NRG3: variants seen among roughly 807,000 people sequenced by gnomAD.
NRG3 encodes the protein pro-neuregulin-3, membrane-bound isoform.
NRG3 carries 31 observed loss-of-function variants against 66.9 expected under a neutral mutation model. That is an observed-to-expected ratio of 0.46 (90% confidence interval 0.35 to 0.63). The LOEUF (loss-of-function observed/expected upper bound fraction) is 0.63, where lower values mean the gene tolerates loss of function less well. NRG3 is among the 20% of genes least tolerant of loss of function. The pLI is 0.00. For missense variants in NRG3, 910 were observed against 878.9 expected, an observed-to-expected ratio of 1.04 and a Z score of -0.45; for synonymous variants, 393 against 359.4, an observed-to-expected ratio of 1.09 and a Z score of -1.06.
chr10:82,170,460 T>C (rs1188382480), intron 1 of NRG3, among the ~76,000 whole-genome samples: 2 of 151,702 alleles, frequency 1.3e-5, no homozygotes, highest in African/African-American at 4.8e-5. Context: ...ATATGCGTCT[T>C]GTCCAAACCT....
At chr10:82,353,603 A>T (rs1564830067) in intron 1 of NRG3, among the ~76,000 whole-genome samples, 1 of 152,238 alleles carries the variant, frequency 6.6e-6, no homozygotes, top group Admixed American at 6.5e-5. Context: ...AAAAAAAATA[A>T]GAAAACACAT....
intron 4 of NRG3, among the ~76,000 whole-genome samples, chr10:82,942,492 A>T (rs1156463330): frequency 3.3e-5 from 5 of 152,252 alleles, no homozygotes; most frequent in Non-Finnish European, 7.3e-5. Flanking sequence ...TGTTCCAAGG[A>T]TTCTGTGTCT....
chr10:82,136,639 G>A (rs1221918646), intron 1 of NRG3, among the ~76,000 whole-genome samples: 1 of 152,058 alleles, frequency 6.6e-6, no homozygotes, highest in Non-Finnish European at 1.5e-5. Context: ...CCAGAAGCCA[G>A]TACTGTATGC....
intron 2 of NRG3, among the ~76,000 whole-genome samples, chr10:82,633,487 A>G (rs1456764950): frequency 6.6e-6 from 1 of 152,164 alleles, no homozygotes; most frequent in African/African-American, 2.4e-5. Context: ...GAGGGTGAAA[A>G]AGCGGACAAG....
At chr10:82,619,788 T>G (rs2048917801) in intron 2 of NRG3, among the ~76,000 whole-genome samples, 1 of 152,066 alleles carries the variant, frequency 6.6e-6, no homozygotes, top group South Asian at 2.1e-4. Context: ...AAGGATCGTG[T>G]GAAGACACAG....
At chr10:82,819,159 A>T (rs1050296728) in intron 3 of NRG3, among the ~76,000 whole-genome samples, 1 of 152,242 alleles carries the variant, frequency 6.6e-6, no homozygotes, top group Non-Finnish European at 1.5e-5. Flanking sequence ...TAAAATAATC[A>T]TTAACGAAGA....
At chr10:81,904,724 A>G (rs1844420578) in intron 1 of NRG3, among the ~76,000 whole-genome samples, 1 of 152,138 alleles carries the variant, frequency 6.6e-6, no homozygotes, top group Non-Finnish European at 1.5e-5. Context: ...TGTTCCCTGC[A>G]GCATTCTGGT....
At chr10:82,941,700 C>T (rs2132269809) in intron 4 of NRG3, among the ~76,000 whole-genome samples, 1 of 152,200 alleles carries the variant, frequency 6.6e-6, no homozygotes, top group Admixed American at 6.5e-5. Context: ...TAGAATTAGG[C>T]AGGGAGAAAT....
intron 4 of NRG3, among the ~76,000 whole-genome samples, chr10:82,891,404 T>G (rs1452136629): frequency 6.6e-6 from 1 of 152,008 alleles, no homozygotes; most frequent in African/African-American, 2.4e-5. Context: ...TAATCTATGC[T>G]TGTGATACAG....
chr10:82,896,343 G>T (rs549407980), intron 4 of NRG3, among the ~76,000 whole-genome samples: 1 of 152,338 alleles, frequency 6.6e-6, no homozygotes, highest in African/African-American at 2.4e-5. Flanking sequence ...GGTGGAACCA[G>T]GCTCCAAGCC....
chr10:81,943,228 A>G (rs192663590), intron 1 of NRG3, among the ~76,000 whole-genome samples: 5 of 152,210 alleles, frequency 3.3e-5, no homozygotes, highest in Admixed American at 3.3e-4. Context: ...CAAACATGAA[A>G]AAAATAGCCA....
chr10:82,903,890 A>G (rs967140668), intron 4 of NRG3, among the ~76,000 whole-genome samples: 1 of 152,072 alleles, frequency 6.6e-6, no homozygotes, highest in East Asian at 1.9e-4. Context: ...CATTACATAT[A>G]TATATATATG....
At chr10:81,981,885 T>C (rs193203000) in intron 1 of NRG3, among the ~76,000 whole-genome samples, 133 of 152,328 alleles carry the variant, frequency 8.7e-4, no homozygotes, top group Middle Eastern at 3.4e-3. Context: ...TCTGCTGATA[T>C]AAGCCCATAT....
intron 3 of NRG3, among the ~76,000 whole-genome samples, chr10:82,741,234 A>T (rs1440268977): frequency 6.6e-6 from 1 of 152,166 alleles, no homozygotes; most frequent in East Asian, 1.9e-4. Flanking sequence ...GAGCCACCTA[A>T]TTGGTCAGGC....
At chr10:81,925,940 G>T (rs1012008913) in intron 1 of NRG3, among the ~76,000 whole-genome samples, 6 of 151,988 alleles carry the variant, frequency 3.9e-5, no homozygotes, top group Admixed American at 2.0e-4. Context: ...AGGTGAAGAG[G>T]CCTAAATTAC....
At chr10:82,774,575 C>T (rs766752344) in intron 3 of NRG3, among the ~76,000 whole-genome samples, 9 of 151,844 alleles carry the variant, frequency 5.9e-5, no homozygotes, top group East Asian at 1.9e-4. Flanking sequence ...TCACAATAGC[C>T]GATTATGATC....
chr10:82,344,272 T>C (rs774019353), intron 1 of NRG3, among the ~76,000 whole-genome samples: 1 of 151,130 alleles, frequency 6.6e-6, no homozygotes, highest in Non-Finnish European at 1.5e-5. Context: ...GTCCACGTGA[T>C]CTCATTGTTC....
Position 82,522,039 on chromosome 10 carries a change from CTTTTTTTTTTT to C in NRG3, c.953+163183_953+163193del, listed in dbSNP as rs71009811. On this transcript the variant is annotated intron_variant, in intron 2 of 8. Transcript: ENST00000372141. Reference sequence around the variant, plus strand: ...TCTGCAGTTACTTTTCCGCTGAAGTCTTTTTTTTTTTTTTTTTTTTTTGAGACAGAGTCTCT... The same window carrying C: ...TCTGCAGTTACTTTTCCGCTGAAGTCTTTTTTTTTTTGAGACAGAGTCTCT... Among the ~76,000 whole-genome samples the C allele has an allele frequency of 2.3e-4, 22 of 97,748 alleles. No individual in the cohort carries two copies. In the South Asian group the frequency reaches 8.8e-3, roughly 39 times the overall value. 64.1% of individuals were successfully genotyped at this position (97,748 alleles called of 152,430 possible). A position where few individuals can be genotyped will look rare whatever the true frequency, so the allele number is the denominator to read the frequency against.
intron 3 of NRG3, among the ~76,000 whole-genome samples, chr10:82,839,508 A>G (rs572472771): frequency 6.6e-6 from 1 of 151,836 alleles, no homozygotes; most frequent in South Asian, 2.1e-4. Context: ...TACCATCACC[A>G]AGGGATAAGT....
Sources: gnomAD v4.1 joint callset for allele counts (sites outside exome capture counted in the v4.1 genomes callset) on GRCh38, gnomAD v4.1.1 for gene constraint, MANE v1.5 for transcripts, NCBI Gene and HGNC (gene_info 2026-07-23, HGNC 2026-07-21) for gene names.